HMBOX1: variants seen among roughly 807,000 people sequenced by gnomAD.
HMBOX1 encodes the protein homeobox containing 1, also known as homeobox-containing protein 1.
In HMBOX1, 14 loss-of-function variants were observed where a neutral mutation model predicts 54.5. That is an observed-to-expected ratio of 0.26 (90% confidence interval 0.17 to 0.40). The LOEUF is 0.40. HMBOX1 is among the 10% of genes least tolerant of loss of function. The pLI is 1.00. For synonymous variants in HMBOX1, 160 were observed against 181.0 expected (o/e 0.88, Z 0.93); for missense variants, 332 against 514.4 (o/e 0.65, Z 3.43).
chr8:29,044,273 C>T (rs1805261898), intron 6 of HMBOX1, among the ~76,000 whole-genome samples: 1 of 152,054 alleles, frequency 6.6e-6, no homozygotes, highest in African/African-American at 2.4e-5. Flanking sequence ...AAGGGAAACC[C>T]CTGAATAAAT....
chr8:29,018,856 G>C lies in HMBOX1; in HGVS notation c.794G>C (p.Arg265Pro). Residue 265 changes from arginine to proline, a missense_variant, in exon 6 of 10, where the codon CGA becomes CCA. Arg to Pro is a moderately radical substitution (Grantham distance 103). This residue lies in a region of HMBOX1 where 117 missense variants were observed against 220.0 expected (regional missense o/e 0.53). Transcript: ENST00000287701. ...PPVSATSGTF[R>P]LRRGSRFTWR... ...GTCTCTGCCACATCTGGTACTTTCC[G>C]ACTGCGACGAGGGAGTCGATTTACC... 1 of 1,614,162 alleles carries C rather than the reference G, an allele frequency of 6.2e-7. No homozygotes were observed. The highest frequency in any genetic ancestry group is 8.5e-7 in the Non-Finnish European group (1 of 1,180,016).
At chr8:28,987,293 A>G (rs1277246946) in intron 4 of HMBOX1, among the ~76,000 whole-genome samples, 1 of 152,158 alleles carries the variant, frequency 6.6e-6, no homozygotes, top group Non-Finnish European at 1.5e-5. Flanking sequence ...GCCTGTACTT[A>G]GATACAATGT....
At chr8:29,013,938 A>G (rs1044811471) in intron 5 of HMBOX1, among the ~76,000 whole-genome samples, 4 of 152,236 alleles carry the variant, frequency 2.6e-5, no homozygotes, top group Non-Finnish European at 1.5e-5. Context: ...CAGCAAATAC[A>G]TGAGATAAAT....
chr8:28,901,779 C>T (rs564449465), intron 1 of HMBOX1, among the ~76,000 whole-genome samples: 1 of 152,244 alleles, frequency 6.6e-6, no homozygotes, highest in Admixed American at 6.5e-5. Flanking sequence ...GTCTTATTTT[C>T]TTATTCCAGA....
intron 1 of HMBOX1, among the ~76,000 whole-genome samples, chr8:28,900,676 T>C (rs1813083274): frequency 6.6e-6 from 1 of 152,190 alleles, no homozygotes; most frequent in African/African-American, 2.4e-5. Context: ...TCAGCTCATT[T>C]TCTTAAACTC....
intron 6 of HMBOX1, among the ~76,000 whole-genome samples, chr8:29,035,709 A>ACTG (rs1383949358): frequency 1.3e-5 from 2 of 152,240 alleles, no homozygotes; most frequent in Admixed American, 1.3e-4. Context: ...AAAACCAAAC[A>ACTG]CTGCCCTCTT....
chr8:29,008,880 T>G (rs1185510796), intron 4 of HMBOX1, among the ~76,000 whole-genome samples, 192 bp from the exon 5 acceptor site: 2 of 152,228 alleles, frequency 1.3e-5, no homozygotes, highest in East Asian at 1.9e-4. Context: ...GTTGAAGAGA[T>G]AATTTCTGAG....
chr8:29,009,529 T>C, intron 5 of HMBOX1: 3 of 808,932 alleles, frequency 3.7e-6, no homozygotes, highest in Non-Finnish European at 4.4e-6. Context: ...ATCTCTTTTT[T>C]TTTTTTTTTT....
chr8:28,907,511 CTATTA>C (rs1394479858), intron 1 of HMBOX1, among the ~76,000 whole-genome samples: 16 of 152,126 alleles, frequency 1.1e-4, no homozygotes, highest in South Asian at 2.1e-4. Flanking sequence ...AAGTTTATCT[CTATTA>C]TATAGTGTAC....
intron 4 of HMBOX1, among the ~76,000 whole-genome samples, chr8:29,001,549 C>CAAACAAAACAAAACA (rs59794853): frequency 3.3e-5 from 5 of 149,600 alleles, no homozygotes; most frequent in Non-Finnish European, 7.4e-5. Flanking sequence ...GATTCCATCT[C>CAAACAAAACAAAACA]AAACAAAACA....
intron 1 of HMBOX1, among the ~76,000 whole-genome samples, chr8:28,944,421 T>C (rs1822036027): frequency 6.6e-6 from 1 of 152,240 alleles, no homozygotes; most frequent in African/African-American, 2.4e-5. Context: ...TGATCATTGA[T>C]ACTGGTTAAG....
intron 4 of HMBOX1, among the ~76,000 whole-genome samples, chr8:28,999,680 A>G (rs1161912191): frequency 1.3e-5 from 2 of 151,880 alleles, no homozygotes; most frequent in Non-Finnish European, 2.9e-5. Context: ...GTCCTTTTAG[A>G]TAATTTTTCA....
At chr8:28,899,435 C>G (rs754058975) in intron 1 of HMBOX1, among the ~76,000 whole-genome samples, 25 of 152,210 alleles carry the variant, frequency 1.6e-4, no homozygotes, top group Non-Finnish European at 2.8e-4. Context: ...TAGGCACCCT[C>G]TATCTATATA....
At chr8:29,008,938 G>C (rs904029592) in intron 4 of HMBOX1, 134 bp from the exon 5 acceptor site, 2 of 600,122 alleles carry the variant, frequency 3.3e-6, no homozygotes, top group Non-Finnish European at 6.0e-6. Flanking sequence ...TCCAATAATA[G>C]TTTGCTCAGG....
At chr8:28,998,619 T>A (rs1157961338) in intron 4 of HMBOX1, among the ~76,000 whole-genome samples, 1 of 152,158 alleles carries the variant, frequency 6.6e-6, no homozygotes, top group East Asian at 1.9e-4. Context: ...TTGGAGTTTT[T>A]AATCTATTTA....
At chr8:28,930,185 G>T (rs966435916) in intron 1 of HMBOX1, among the ~76,000 whole-genome samples, 2 of 152,008 alleles carry the variant, frequency 1.3e-5, no homozygotes, top group African/African-American at 2.4e-5. Context: ...ACTAAAAACA[G>T]CTCCTCCCCA....
At chr8:28,997,351 T>C (rs1020412952) in intron 4 of HMBOX1, among the ~76,000 whole-genome samples, 1 of 152,218 alleles carries the variant, frequency 6.6e-6, no homozygotes, top group African/African-American at 2.4e-5. Flanking sequence ...CTGTGTCTAT[T>C]AAAATAGTTA....
At chr8:29,009,868 A>G in intron 5 of HMBOX1, 1 of 1,159,498 alleles carries the variant, frequency 8.6e-7, no homozygotes, top group Non-Finnish European at 1.1e-6. Flanking sequence ...ATCTCAATCT[A>G]TACTTTACAC....
At position 28,928,003 on chromosome 8, in the gene HMBOX1, C is replaced by T. The variant is rs553073297; in HGVS notation, c.-57-35808C>T. ...TACAAAAATTAGCTGGGCGTGGTGGCGTGCACCTGTAGTCCCAGCTACTTG... is the reference window on the plus strand; with the variant it reads ...TACAAAAATTAGCTGGGCGTGGTGGTGTGCACCTGTAGTCCCAGCTACTTG... On this transcript the variant is annotated intron_variant, in intron 1 of 9. Coordinates refer to ENST00000287701, the MANE Select transcript of HMBOX1 (RefSeq NM_001135726.3). 2.6e-5 allele frequency among the ~76,000 whole-genome samples: 4 copies of T among 151,780 alleles called. No individual in the cohort carries two copies. In the South Asian group the frequency reaches 6.3e-4, roughly 24 times the overall value.
Sources: allele counts gnomAD v4.1 joint callset (sites outside exome capture counted in the v4.1 genomes callset), GRCh38; gene constraint gnomAD v4.1.1; regional missense constraint gnomAD v4.1.1; transcripts MANE v1.5; gene names NCBI Gene and HGNC (gene_info 2026-07-23, HGNC 2026-07-21).